The following ADGRF1 variants were observed in gnomAD, a reference collection of about 807,000 sequenced individuals.
ADGRF1 encodes adhesion G protein-coupled receptor F1.
A neutral mutation model predicts 87.2 loss-of-function variants in ADGRF1; 85 were observed. The ratio of observed to expected loss-of-function variants is 0.97; its 90% CI spans 0.82 to 1.17. The LOEUF (loss-of-function observed/expected upper bound fraction) is 1.17. Among genes scored for constraint, ADGRF1 ranks in the 50% most tolerant of loss-of-function variants. ADGRF1 has a pLI of 0.00. For synonymous variants in ADGRF1, 430 were observed against 408.8 expected (o/e 1.05, Z -0.63); for missense variants, 1,169 against 1,077.2 (o/e 1.09, Z -1.19).
chr6:47,010,017 C>T lies in ADGRF1; in HGVS notation c.1418G>A (p.Arg473Lys), dbSNP rs1176849164. 1.9e-6 allele frequency: 3 copies of T among 1,614,112 alleles called. No homozygotes were observed. Among genetic ancestry groups the T allele is most frequent in the Non-Finnish European group, 2.5e-6 (3 of 1,180,020 alleles). The change falls in exon 11 of 15, where the codon AGA becomes AAA. Residue 473 changes from arginine (R) to lysine (K), a missense_variant. By Grantham distance (26) the Arg-to-Lys change is conservative. Transcript: ENST00000371253. Reference protein sequence around the residue: ...RVLIGSDQFQRSLPETIISMA... With the variant: ...RVLIGSDQFQKSLPETIISMA... ...GCTGATAATAGTTTCTGGAAGGGAT[C>T]TCTGGAATTGGTCTGACCCAATTAA...
intron 9 of ADGRF1, chr6:47,014,397 A>T (rs1466183910): frequency 9.1e-7 from 1 of 1,098,682 alleles, no homozygotes; most frequent in Non-Finnish European, 1.1e-6. Context: ...CTGCTCTACC[A>T]TCCATCATAG....
chr6:47,022,809 T>TTC (rs1561875502), intron 5 of ADGRF1, among the ~76,000 whole-genome samples: 3 of 148,196 alleles, frequency 2.0e-5, no homozygotes, highest in East Asian at 2.0e-4. Flanking sequence ...TTTTTCTTTT[T>TTC]TTTTTTTTTT....
intron 10 of ADGRF1, among the ~76,000 whole-genome samples, chr6:47,010,946 G>A (rs1050193080): frequency 6.6e-6 from 1 of 152,086 alleles, no homozygotes; most frequent in Non-Finnish European, 1.5e-5. Context: ...TCTTCCCACA[G>A]AACCCCTTCT....
intron 13 of ADGRF1, 41 bp from the exon 14 acceptor site, chr6:47,001,608 T>G (rs781004824): frequency 6.6e-7 from 1 of 1,503,862 alleles, no homozygotes; most frequent in African/African-American, 1.4e-5. Context: ...ATTAATAGCA[T>G]TCTTTTACTG....
In ADGRF1 at chr6:47,013,170, C is replaced by T. The variant is rs1243368178; in HGVS notation, c.928-975G>A. 4 of 985,352 alleles carry T rather than the reference C, an allele frequency of 4.1e-6. No individual in the cohort carries two copies. In the East Asian group the frequency reaches 4.5e-4, roughly 112 times the overall value. 61.0% of individuals were successfully genotyped at this position (985,352 alleles called of 1,614,324 possible). Reference sequence around the variant, plus strand: ...CAAAGGAAGGCAGTCCCCTTCCACTCAACATTAAGTCCACTCAGGCGCCCA... The same window carrying T: ...CAAAGGAAGGCAGTCCCCTTCCACTTAACATTAAGTCCACTCAGGCGCCCA... On this transcript the variant is annotated intron_variant, in intron 9 of 14. Coordinates refer to ENST00000371253, the MANE Select transcript of ADGRF1 (RefSeq NM_153840.4).
At chr6:47,015,957 T>A (rs1332347853) in intron 8 of ADGRF1, among the ~76,000 whole-genome samples, 1 of 151,974 alleles carries the variant, frequency 6.6e-6, no homozygotes, top group African/African-American at 2.4e-5. Context: ...AAGCTGATCT[T>A]GAACTCTTGA....
chr6:47,009,961 G>T lies in ADGRF1; in HGVS notation c.1474C>A (p.Pro492Thr). 2 of 1,614,126 alleles carry T rather than the reference G, an allele frequency of 1.2e-6. No homozygotes were observed. Among genetic ancestry groups the T allele is most frequent in the Non-Finnish European group, 1.7e-6 (2 of 1,179,976 alleles). ...TGAGCATTTCCATTTTTGGAAACGG[G>T]TAGAATGTTCCCCAGAGTCAACGAG... Reference protein sequence around the residue: ...MASLTLGNILPVSKNGNAQVN... With the variant: ...MASLTLGNILTVSKNGNAQVN... The change falls in exon 11 of 15, where the codon CCC becomes ACC. Residue 492 changes from proline to threonine, a missense_variant. By Grantham distance (38) the Pro-to-Thr change is conservative. Coordinates refer to ENST00000371253, the MANE Select transcript of ADGRF1 (RefSeq NM_153840.4).
chr6:47,013,360 C>T, intron 9 of ADGRF1: 3 of 985,500 alleles, frequency 3.0e-6, no homozygotes, highest in Non-Finnish European at 3.6e-6. Context: ...AATCCCCTTC[C>T]CCAGTTTACA....
At position 46,999,196 on chromosome 6, in the gene ADGRF1, T is replaced by C. The variant is rs1651932078; in HGVS notation, c.*1026A>G. 1 of 152,222 alleles carries C rather than the reference T, an allele frequency of 6.6e-6. No homozygotes were observed. The highest frequency in any genetic ancestry group is 2.4e-5 in the African/African-American group (1 of 41,460). The allele number at this position is 152,222 out of a possible 1,614,324, so 9.4% of individuals were successfully genotyped here. On this transcript the variant is annotated 3_prime_UTR_variant, in exon 15 of 15. Coordinates refer to ENST00000371253, the MANE Select transcript of ADGRF1 (RefSeq NM_153840.4). ...TTTGTATGTCATCCAAAAGTGGCAC[T>C]GGCTGTACAAGAAAATAACTTCCAC...
intron 8 of ADGRF1, among the ~76,000 whole-genome samples, chr6:47,015,570 C>G (rs1779844607): frequency 1.5e-5 from 2 of 135,542 alleles, no homozygotes; most frequent in East Asian, 4.6e-4. Context: ...ACCACGATGC[C>G]TGGCTATTTA....
chr6:47,037,367 C>T (rs1316327782), intron 1 of ADGRF1, among the ~76,000 whole-genome samples: 6 of 152,060 alleles, frequency 3.9e-5, no homozygotes, highest in East Asian at 1.9e-4. Flanking sequence ...TTGTCTTTGT[C>T]GCTCCTGTTA....
At chr6:47,007,162 C>T in intron 12 of ADGRF1, 91 bp downstream of exon 12, 2 of 701,148 alleles carry the variant, frequency 2.9e-6, no homozygotes, top group Non-Finnish European at 2.4e-6. Flanking sequence ...ATAGTCCCAC[C>T]TCTTATTATA....
rs529442970 is a variant in ADGRF1, at chr6:47,024,105, G to A, written c.390C>T (p.Leu130=). 3.1e-6 allele frequency: 5 copies of A among 1,614,152 alleles called. No homozygotes were observed. The South Asian group carries it at 4.4e-5, about 14-fold the overall frequency. The change falls in exon 5 of 15, where the codon CTC becomes CTT. Residue 130 remains leucine, a synonymous_variant. Coordinates refer to ENST00000371253, the MANE Select transcript of ADGRF1 (RefSeq NM_153840.4). ...QNCYLHTAGA[L]PSCECHLNNL... is the part of the protein sequence containing the mutation. ...TGTTGAGATGACATTCACAGCTTGG[G>A]AGTGCTCCAGCCGTGTGAAGGTAGC... is the stretch of plus-strand genomic sequence containing the variant.
At chr6:47,039,977 T>C (rs931101636) in intron 1 of ADGRF1, among the ~76,000 whole-genome samples, 10 of 150,652 alleles carry the variant, frequency 6.6e-5, no homozygotes, top group African/African-American at 2.4e-4. Context: ...AATAAATAAA[T>C]AAATAAATAG....
Position 47,016,778 on chromosome 6 carries a change from T to A in ADGRF1, c.612-10A>T, listed in dbSNP as rs368584609. 1 of 1,567,040 alleles carries A rather than the reference T, an allele frequency of 6.4e-7. No homozygotes were observed. Among genetic ancestry groups the A allele is most frequent in the Non-Finnish European group, 8.7e-7 (1 of 1,147,762 alleles). ...AACGATGCTTCCATTTCTGCAGTGATTATGGGGAAAGAGAAATGAGATTCA... is the reference window on the plus strand; with the variant it reads ...AACGATGCTTCCATTTCTGCAGTGAATATGGGGAAAGAGAAATGAGATTCA... On this transcript the variant is annotated splice_polypyrimidine_tract_variant and intron_variant, in intron 7 of 14. Transcript: ENST00000371253.
At chr6:47,030,113 C>T (rs1267141681) in intron 1 of ADGRF1, among the ~76,000 whole-genome samples, 1 of 152,154 alleles carries the variant, frequency 6.6e-6, no homozygotes, top group Non-Finnish European at 1.5e-5. Context: ...GCTTAAACTT[C>T]ATACAAACCC....
At chr6:47,012,623 G>A in intron 9 of ADGRF1, 1 of 988,118 alleles carries the variant, frequency 1.0e-6, no homozygotes, top group South Asian at 4.6e-5. Flanking sequence ...GCACTCAGCG[G>A]AAAATGTTAG....
At position 47,040,314 on chromosome 6, in the gene ADGRF1, T is replaced by C. The variant is rs551582781; in HGVS notation, c.-44+1877A>G. Among the ~76,000 whole-genome samples the C allele has an allele frequency of 1.1e-4, 17 of 151,496 alleles. No individual in the cohort carries two copies. In the East Asian group the frequency reaches 2.9e-3, roughly 26 times the overall value. On this transcript the variant is annotated intron_variant, in intron 1 of 14. Coordinates refer to ENST00000371253, the MANE Select transcript of ADGRF1 (RefSeq NM_153840.4). ...AATGAAACCCTGTCTCTAATAAAAA[T>C]ACAAAAAATTAGCCAGGCATGGTGG...
intron 1 of ADGRF1, among the ~76,000 whole-genome samples, chr6:47,030,164 A>G (rs1475244305): frequency 6.6e-6 from 1 of 152,146 alleles, no homozygotes; most frequent in Non-Finnish European, 1.5e-5. Context: ...CCTCTAATCT[A>G]AAAAGCCGAG....
Sources: gnomAD v4.1 joint callset for allele counts (sites outside exome capture counted in the v4.1 genomes callset) on GRCh38, gnomAD v4.1.1 for gene constraint, MANE v1.5 for transcripts, NCBI Gene and HGNC (gene_info 2026-07-23, HGNC 2026-07-21) for gene names.